Variants in DMD observed in about 807,000 individuals in gnomAD.
DMD encodes dystrophin.
In DMD, 63 loss-of-function variants were observed where a neutral mutation model predicts 330.1. That is an observed-to-expected ratio of 0.19 (90% CI 0.16 to 0.24). DMD has a LOEUF of 0.24. Among genes scored for constraint, DMD ranks in the 10% least tolerant of loss-of-function variants. The pLI, the probability that DMD is intolerant of heterozygous loss-of-function variation, is 1.00. For missense variants in DMD, 3,344 were observed against 2,684.1 expected, an observed-to-expected ratio of 1.25 and a Z score of -5.43; for synonymous variants, 1,223 against 959.8, an observed-to-expected ratio of 1.27 and a Z score of -5.07.
chrX:33,329,323 T>C (rs750912033), intron 1 of DMD, among the ~76,000 whole-genome samples: 4 of 71,476 alleles, frequency 5.6e-5, no homozygotes, highest in Non-Finnish European at 1.1e-4. Flanking sequence ...TAATGATGGT[T>C]CTTTGTTTAC....
intron 7 of DMD, among the ~76,000 whole-genome samples, chrX:32,777,646 A>G (rs1269189507): frequency 8.1e-5 from 9 of 111,745 alleles, no homozygotes; most frequent in African/African-American, 2.3e-4. Context: ...ACTCCTTTCT[A>G]TTGAGCAAAT....
chrX:32,783,212 G>A (rs2075001738), intron 7 of DMD, among the ~76,000 whole-genome samples: 1 of 95,362 alleles, frequency 1.0e-5, no homozygotes, highest in Non-Finnish European at 2.1e-5. Flanking sequence ...ATACACATAT[G>A]TGTATATACG....
intron 47 of DMD, among the ~76,000 whole-genome samples, chrX:31,900,428 T>C (rs770196378): frequency 9.0e-6 from 1 of 111,367 alleles, no homozygotes; most frequent in African/African-American, 3.3e-5. Context: ...GCTCTCTCTT[T>C]GACTGCTGCC....
intron 4 of DMD, among the ~76,000 whole-genome samples, chrX:32,838,449 A>G (rs752320493): frequency 9.1e-6 from 1 of 109,787 alleles, no homozygotes; most frequent in African/African-American, 3.3e-5. Flanking sequence ...CCTAATGTCC[A>G]TATGTTCTCA....
intron 2 of DMD, among the ~76,000 whole-genome samples, chrX:32,994,415 C>T (rs1209863197): frequency 2.7e-5 from 3 of 110,413 alleles, no homozygotes; most frequent in African/African-American, 6.6e-5. Flanking sequence ...ATTCTTTCTC[C>T]GTTTAGCCTT....
intron 9 of DMD, among the ~76,000 whole-genome samples, chrX:32,654,418 C>A (rs181940120): frequency 3.5e-4 from 39 of 111,549 alleles, no homozygotes; most frequent in Non-Finnish European, 1.5e-4. Context: ...CATGTGGTTT[C>A]TATCTTTGGT....
intron 1 of DMD, among the ~76,000 whole-genome samples, chrX:33,279,566 T>G (rs972886134): frequency 1.8e-5 from 2 of 110,860 alleles, no homozygotes; most frequent in African/African-American, 6.6e-5. Flanking sequence ...TTCATTTTTT[T>G]AAGAATGATT....
chrX:32,409,497 C>T (rs1466671592), intron 30 of DMD, among the ~76,000 whole-genome samples: 1 of 111,412 alleles, frequency 9.0e-6, no homozygotes, highest in Non-Finnish European at 1.9e-5. Flanking sequence ...GAATCCATTT[C>T]TAAATAAGAA....
intron 44 of DMD, among the ~76,000 whole-genome samples, chrX:32,164,677 T>C (rs1252630145): frequency 9.0e-6 from 1 of 111,272 alleles, no homozygotes; most frequent in Non-Finnish European, 1.9e-5. Context: ...AGGAGCCCAA[T>C]GTTAATAGGC....
chrX:32,069,222 A>G (rs1021931458), intron 44 of DMD, among the ~76,000 whole-genome samples: 1 of 111,656 alleles, frequency 9.0e-6, no homozygotes, highest in Non-Finnish European at 1.9e-5. Flanking sequence ...CCCTGATTTG[A>G]TCATTACACA....
intron 1 of DMD, among the ~76,000 whole-genome samples, chrX:33,190,879 A>T (rs200681723): frequency 0.054 from 40 of 742 alleles, no homozygotes; most frequent in East Asian, 0.25. Flanking sequence ...ATATATATAT[A>T]ATATATAATA....
At chrX:31,911,558 A>G (rs2094547709) in intron 47 of DMD, among the ~76,000 whole-genome samples, 1 of 109,695 alleles carries the variant, frequency 9.1e-6, no homozygotes, top group Non-Finnish European at 1.9e-5. Flanking sequence ...TTTATTTTAG[A>G]CTATGGAAAT....
At chrX:31,858,011 C>A (rs1019284701) in intron 48 of DMD, among the ~76,000 whole-genome samples, 1 of 110,113 alleles carries the variant, frequency 9.1e-6, no homozygotes, top group African/African-American at 3.3e-5. Flanking sequence ...AAGCATATGG[C>A]AATTTTGAAG....
At chrX:33,322,101 T>C (rs1320067728) in intron 1 of DMD, among the ~76,000 whole-genome samples, 1 of 111,940 alleles carries the variant, frequency 8.9e-6, no homozygotes, top group African/African-American at 3.2e-5. Context: ...TTTTCATTCA[T>C]GTGTGCATGG....
intron 44 of DMD, among the ~76,000 whole-genome samples, chrX:32,195,151 A>C (rs1339925072): frequency 6.3e-5 from 7 of 111,619 alleles, no homozygotes; most frequent in Non-Finnish European, 1.9e-5. Flanking sequence ...TGGGAGATAA[A>C]TGATGGAATC....
At chrX:31,814,520 A>AAAAAT (rs2092566736) in intron 50 of DMD, among the ~76,000 whole-genome samples, 1 of 97,276 alleles carries the variant, frequency 1.0e-5, no homozygotes, top group African/African-American at 3.8e-5. Context: ...AAAAAAGAAA[A>AAAAAT]CTCTGTTAAC....
At chrX:32,315,182 A>G (rs1242500675) in intron 41 of DMD, among the ~76,000 whole-genome samples, 2 of 111,964 alleles carry the variant, frequency 1.8e-5, no homozygotes, top group East Asian at 2.8e-4. Flanking sequence ...ATTGACACAT[A>G]TACACCATGG....
chrX:31,386,772 C>A (rs1221334598), intron 60 of DMD, among the ~76,000 whole-genome samples: 2 of 112,156 alleles, frequency 1.8e-5, no homozygotes, highest in African/African-American at 6.5e-5. Flanking sequence ...TGGTTTCAAT[C>A]TATCAAGTAG....
chrX:32,001,815 C>G (rs2095628999), intron 44 of DMD, among the ~76,000 whole-genome samples: 1 of 111,480 alleles, frequency 9.0e-6, no homozygotes. Context: ...GTGACCAATT[C>G]TGATTTCCAC....
Sources: gnomAD v4.1 joint callset for allele counts (sites outside exome capture counted in the v4.1 genomes callset) on GRCh38, gnomAD v4.1.1 for gene constraint, MANE v1.5 for transcripts, NCBI Gene and HGNC (gene_info 2026-07-23, HGNC 2026-07-21) for gene names.